Variants in RFT1 observed in about 807,000 individuals in gnomAD.
RFT1 encodes RFT1 glycolipid translocator homolog, also known as man(5)GlcNAc(2)-PP-dolichol translocation protein RFT1.
A neutral mutation model predicts 62.2 loss-of-function variants in RFT1; 43 were observed. The observed-to-expected ratio is 0.69, with a 90% CI of 0.54 to 0.89. The LOEUF (loss-of-function observed/expected upper bound fraction) is 0.89, where lower values mean the gene tolerates loss of function less well. Among genes scored for constraint, RFT1 ranks in the 40% least tolerant of loss-of-function variants. The pLI, the probability that RFT1 is intolerant of heterozygous loss-of-function variation, is 0.00. For synonymous variants in RFT1, 262 were observed against 264.6 expected (o/e 0.99, Z 0.10); for missense variants, 605 against 649.9 (o/e 0.93, Z 0.75).
At chr3:53,068,770 G>A in the RFT1 span, among the ~76,000 whole-genome samples, 1 of 152,082 alleles carries the variant, frequency 6.6e-6, no homozygotes, top group African/African-American at 2.4e-5. Flanking sequence ...CTCAACTTGG[G>A]ATTTTTTTTT....
At chr3:53,123,253 C>A (rs1209594442) in intron 3 of RFT1, among the ~76,000 whole-genome samples, 1 of 152,136 alleles carries the variant, frequency 6.6e-6, no homozygotes, top group Non-Finnish European at 1.5e-5. Flanking sequence ...TCAAGAATAT[C>A]CTAAAAGACT....
chr3:53,105,415 GCCCC>G (rs369150776), intron 9 of RFT1, among the ~76,000 whole-genome samples: 3 of 10,038 alleles, frequency 3.0e-4, no homozygotes, highest in Non-Finnish European at 1.3e-3. Flanking sequence ...CTCTATCCCC[GCCCC>G]CCCCCCCAAA....
rs763862849 is a variant in RFT1, at chr3:53,122,376, T to G, written c.454A>C (p.Lys152Gln). Reference protein sequence around the residue: ...LAQAHMFVKLKVIAESLSVIL... With the variant: ...LAQAHMFVKLQVIAESLSVIL... ...TTCACAGCAGAAGGTGCACTGACCT[T>G]GAGCTTCACAAACATATGTGCTTGT... The change falls in exon 4 of 13, where the codon AAG becomes CAG. Residue 152 changes from lysine (K) to glutamine (Q), a missense_variant and splice_region_variant. Coordinates refer to ENST00000296292, the MANE Select transcript of RFT1 (RefSeq NM_052859.4). 9 of 1,613,918 alleles carry G rather than the reference T, an allele frequency of 5.6e-6. No homozygotes were observed. Among genetic ancestry groups the G allele is most frequent in the Non-Finnish European group, 7.6e-6 (9 of 1,179,866 alleles).
At chr3:53,113,502 G>C (rs926914365) in intron 6 of RFT1, among the ~76,000 whole-genome samples, 1 of 152,232 alleles carries the variant, frequency 6.6e-6, no homozygotes, top group Non-Finnish European at 1.5e-5. Flanking sequence ...GGGCAGGCCT[G>C]GAACCTGTCT....
chr3:53,099,456 T>C lies in RFT1; in HGVS notation c.1133A>G (p.Tyr378Cys), dbSNP rs143232904. ...TCCATTGATGGCAAGCAGGAGAACATAGAGACAGTAGGAACGCAGCAAAAC... is the reference window on the plus strand; with the variant it reads ...TCCATTGATGGCAAGCAGGAGAACACAGAGACAGTAGGAACGCAGCAAAAC... ...GPVLLRSYCL[Y>C]VLLLAINGVT... Residue 378 changes from tyrosine (Y) to cysteine (C), a missense_variant, in exon 11 of 13, where the codon TAT (tyrosine) becomes TGT (cysteine). By Grantham distance (194) the Tyr-to-Cys change is radical. Coordinates refer to ENST00000296292, the MANE Select transcript of RFT1 (RefSeq NM_052859.4). The C allele has an allele frequency of 5.7e-4, 915 of 1,613,740 alleles. No individual in the cohort carries two copies. Among genetic ancestry groups the C allele is most frequent in the East Asian group, 4.9e-3 (220 of 44,860 alleles).
Position 53,122,522 on chromosome 3 carries a change from A to G in RFT1, c.308T>C (p.Ile103Thr). 6.2e-7 allele frequency: 1 copy of G among 1,613,720 alleles called. No individual in the cohort carries two copies. The highest frequency in any genetic ancestry group is 2.2e-5 in the East Asian group (1 of 44,884). The change falls in exon 4 of 13, where the codon ATC becomes ACC. Residue 103 changes from isoleucine to threonine, a missense_variant. Transcript: ENST00000296292. ...GVFWSLFLGW[I>T]WLQLLEVPDP... is the part of the protein sequence containing the mutation. ...AGGCACTTCAAGCAGCTGCAACCAG[A>G]TCCAGCCCAGGAATAAGGACCAAAA...
chr3:53,095,753 G>A (rs1020072627), intron 11 of RFT1, among the ~76,000 whole-genome samples: 3 of 150,258 alleles, frequency 2.0e-5, no homozygotes, highest in Non-Finnish European at 4.4e-5. Flanking sequence ...ATGGATGGTC[G>A]AGGATATCAA....
At chr3:53,072,975 G>A in the RFT1 span, among the ~76,000 whole-genome samples, 1 of 152,242 alleles carries the variant, frequency 6.6e-6, no homozygotes, top group Non-Finnish European at 1.5e-5. Context: ...GTGAAGCCGA[G>A]GCTGGCCCCA....
chr3:53,080,433 G>A, the RFT1 span, among the ~76,000 whole-genome samples: 8 of 152,220 alleles, frequency 5.3e-5, no homozygotes, highest in Non-Finnish European at 8.8e-5. Context: ...GGGCCTAAAA[G>A]CAGTTTTCGT....
chr3:53,102,727 A>T (rs1701353379), intron 10 of RFT1, among the ~76,000 whole-genome samples: 1 of 152,234 alleles, frequency 6.6e-6, no homozygotes, highest in South Asian at 2.1e-4. Flanking sequence ...TACAGCTCAC[A>T]GGTAAGTAGT....
chr3:53,101,559 T>A (rs1270069163), intron 10 of RFT1, among the ~76,000 whole-genome samples: 1 of 152,178 alleles, frequency 6.6e-6, no homozygotes, highest in Non-Finnish European at 1.5e-5. Context: ...CAACCTTCGA[T>A]TGTAGACTGA....
chr3:53,092,734 G>C (rs1701033907), intron 11 of RFT1, 116 bp from the exon 12 acceptor site: 3 of 1,250,314 alleles, frequency 2.4e-6, no homozygotes, highest in Non-Finnish European at 3.4e-6. Flanking sequence ...CTGGAATCCA[G>C]GTTTTCATAA....
At chr3:53,106,469 A>G (rs1304385449) in intron 8 of RFT1, among the ~76,000 whole-genome samples, 6 of 152,204 alleles carry the variant, frequency 3.9e-5, no homozygotes, top group Non-Finnish European at 8.8e-5. Context: ...GGATTACATT[A>G]AAAGATAAAA....
At chr3:53,121,633 G>T in intron 5 of RFT1, 66 bp downstream of exon 5, 1 of 1,282,784 alleles carries the variant, frequency 7.8e-7, no homozygotes, top group Non-Finnish European at 1.1e-6. Context: ...ACGGCGGTGG[G>T]AACAAGAAGA....
At chr3:53,070,245 G>A in the RFT1 span, among the ~76,000 whole-genome samples, 1 of 151,986 alleles carries the variant, frequency 6.6e-6, no homozygotes, top group Non-Finnish European at 1.5e-5. Context: ...GTGAGACCTC[G>A]TCTCTTGAAA....
intron 1 of RFT1, among the ~76,000 whole-genome samples, chr3:53,127,009 T>C (rs1181304361): frequency 6.6e-6 from 1 of 151,972 alleles, no homozygotes; most frequent in East Asian, 1.9e-4. Flanking sequence ...ACACTGTACC[T>C]AAAGTATCAC....
the RFT1 span, among the ~76,000 whole-genome samples, chr3:53,073,359 C>G: frequency 6.6e-6 from 1 of 152,218 alleles, no homozygotes; most frequent in Non-Finnish European, 1.5e-5. Context: ...CCTCTGGACA[C>G]CCCCACCTGT....
intron 5 of RFT1, among the ~76,000 whole-genome samples, chr3:53,120,243 ATTC>A (rs1480652821): frequency 6.6e-6 from 1 of 152,176 alleles, no homozygotes; most frequent in Non-Finnish European, 1.5e-5. Context: ...GAAGAACATA[ATTC>A]TTCTCGGCAG....
At chr3:53,098,200 C>T (rs1354419861) in intron 11 of RFT1, among the ~76,000 whole-genome samples, 1 of 152,164 alleles carries the variant, frequency 6.6e-6, no homozygotes, top group Non-Finnish European at 1.5e-5. Flanking sequence ...TCAGAATTGC[C>T]TAGAGCTGTG....
Sources: gnomAD v4.1 joint callset for allele counts (sites outside exome capture counted in the v4.1 genomes callset) on GRCh38, gnomAD v4.1.1 for gene constraint, MANE v1.5 for transcripts, NCBI Gene and HGNC (gene_info 2026-07-23, HGNC 2026-07-21) for gene names.